PTCD3: variants seen among roughly 807,000 people sequenced by gnomAD.
PTCD3 encodes pentatricopeptide repeat domain 3, also known as small ribosomal subunit protein mS39.
PTCD3 carries 89 observed loss-of-function variants against 101.9 expected under a neutral mutation model. That is an observed-to-expected ratio of 0.87 (90% CI 0.74 to 1.04). PTCD3 has a LOEUF of 1.04. PTCD3 is among the 50% of genes least tolerant of loss of function. The pLI is 0.00. For missense variants in PTCD3, 870 were observed against 828.2 expected, an observed-to-expected ratio of 1.05 and a Z score of -0.62; for synonymous variants, 296 against 278.5, an observed-to-expected ratio of 1.06 and a Z score of -0.63.
chr2:86,111,254 A>G (rs1182924928), intron 4 of PTCD3, 96 bp downstream of exon 4: 1 of 1,094,346 alleles, frequency 9.1e-7, no homozygotes, highest in Non-Finnish European at 1.4e-6. Flanking sequence ...ATACCTCGTC[A>G]TTACTCAGAA....
At chr2:86,116,750 A>G (rs1339392562) in intron 5 of PTCD3, 152 bp downstream of exon 5, 1 of 680,432 alleles carries the variant, frequency 1.5e-6, no homozygotes, top group East Asian at 2.7e-5. Flanking sequence ...CTTCAAAAAG[A>G]TGTACATATC....
chr2:86,117,080 C>G lies in PTCD3; in HGVS notation c.335C>G (p.Ser112Cys). Residue 112 changes from serine to cysteine, a missense_variant, in exon 6 of 24, where the codon TCC becomes TGC. Coordinates refer to ENST00000254630, the MANE Select transcript of PTCD3 (RefSeq NM_017952.6). ...CGTTCATTTTTACTGGCAAAGAAATCCGGGGAGAATGTGGCCAAGTTTATT... is the reference window on the plus strand; with the variant it reads ...CGTTCATTTTTACTGGCAAAGAAATGCGGGGAGAATGTGGCCAAGTTTATT... ...ESRSFLLAKKSGENVAKFIIN... is the reference protein window; with the variant it reads ...ESRSFLLAKKCGENVAKFIIN... The G allele has an allele frequency of 2.1e-6, 3 of 1,435,478 alleles. No homozygotes were observed. Among genetic ancestry groups the G allele is most frequent in the Non-Finnish European group, 9.8e-7 (1 of 1,017,764 alleles). 88.9% of individuals were successfully genotyped at this position (1,435,478 alleles called of 1,614,324 possible). A position where few individuals can be genotyped will look rare whatever the true frequency, so the allele number is the denominator to read the frequency against.
intron 13 of PTCD3, 129 bp downstream of exon 13, chr2:86,127,434 T>G: frequency 8.8e-7 from 1 of 1,133,696 alleles, no homozygotes; most frequent in Non-Finnish European, 1.2e-6. Flanking sequence ...CTTTCCATGT[T>G]TGGCACATTT....
rs759978703 is a variant in PTCD3, at chr2:86,127,318, C to T, written c.1096+13C>T. 6.2e-6 allele frequency: 10 copies of T among 1,611,512 alleles called. No individual in the cohort carries two copies. The highest frequency in any genetic ancestry group is 2.7e-5 in the African/African-American group (2 of 74,850). On this transcript the variant is annotated intron_variant, in intron 13 of 23. Transcript: ENST00000254630. ...GCCATTGGAATAGGTGAGGATGCGC[C>T]CTTGAGTTCTCTGAGGACAGAGACT...
intron 7 of PTCD3, among the ~76,000 whole-genome samples, chr2:86,120,720 C>A (rs6720143): frequency 0.8 from 121,216 of 152,082 alleles, 49,582 homozygotes; most frequent in South Asian, 0.89. Context: ...CATAGCGAGA[C>A]CTCATCTCTA....
At chr2:86,108,756 AAG>A (rs1674016127) in intron 3 of PTCD3, 3 of 448,230 alleles carry the variant, frequency 6.7e-6, no homozygotes, top group African/African-American at 2.0e-5. Context: ...GAACAATTGA[AAG>A]AGATTTTGAA....
In PTCD3 at chr2:86,106,284, C is replaced by G; in HGVS notation, c.37C>G (p.Arg13Gly). The change falls in exon 1 of 24, where the codon CGC (arginine) becomes GGC (glycine). Residue 13 changes from arginine (R) to glycine (G), a missense_variant. Physicochemically the swap from Arg to Gly is moderately radical, Grantham distance 125 (BLOSUM62 -2). Coordinates refer to ENST00000254630, the MANE Select transcript of PTCD3 (RefSeq NM_017952.6). ...ATCTGCTGTTCGCTGGCTGGGCCTC[C>G]GCAGCAGGCTTGGCCAGCCGCTGAC... ...VVSAVRWLGL[R>G]SRLGQPLTGR... 6.2e-7 allele frequency: 1 copy of G among 1,613,700 alleles called. No homozygotes were observed. The highest frequency in any genetic ancestry group is 8.5e-7 in the Non-Finnish European group (1 of 1,179,968).
In PTCD3 at chr2:86,136,743, A is replaced by G. The variant is rs1347478813; in HGVS notation, c.1820+181A>G. ...TTTTTATCTGTGTTGACGGATCATC[A>G]TACATTGGGGCTACATTGAATAGAT... On this transcript the variant is annotated intron_variant, in intron 22 of 23. Transcript: ENST00000254630. 1.1e-5 allele frequency: 9 copies of G among 800,728 alleles called. No homozygotes were observed. In the East Asian group the frequency reaches 2.0e-4, roughly 17 times the overall value. The allele number at this position is 800,728 out of a possible 1,614,324, so 49.6% of individuals were successfully genotyped here.
At chr2:86,132,174 C>G in intron 16 of PTCD3, 144 bp from the exon 17 acceptor site, 1 of 543,436 alleles carries the variant, frequency 1.8e-6, no homozygotes, top group Non-Finnish European at 3.2e-6. Context: ...TTGTCTCCCC[C>G]CCATTTCTTA....
At chr2:86,127,496 T>G in intron 13 of PTCD3, 191 bp downstream of exon 13, 1 of 605,748 alleles carries the variant, frequency 1.7e-6, no homozygotes, top group South Asian at 2.4e-5. Flanking sequence ...TAGTGTTCAT[T>G]AGTATTTTAG....
intron 3 of PTCD3, among the ~76,000 whole-genome samples, chr2:86,109,441 A>G (rs563987753): frequency 3.3e-5 from 5 of 152,088 alleles, no homozygotes; most frequent in South Asian, 2.1e-4. Context: ...ATTTAAAAAG[A>G]CTTTTTTAAG....
intron 3 of PTCD3, 28 bp downstream of exon 3, chr2:86,108,564 C>A: frequency 1.3e-6 from 2 of 1,574,994 alleles, no homozygotes; most frequent in Non-Finnish European, 1.7e-6. Context: ...GTTCATTCAG[C>A]AAATGGTTGA....
intron 3 of PTCD3, chr2:86,108,812 A>G (rs1181842737): frequency 2.9e-6 from 1 of 344,712 alleles, no homozygotes; most frequent in Non-Finnish European, 5.2e-6. Flanking sequence ...ACATGGTTAT[A>G]CATGAACATC....
rs569925516 is a variant in PTCD3 at position 86,134,871 on chromosome 2, T to C, written c.1662T>C (p.Asp554=). The change falls in exon 21 of 24, where the codon GAT becomes GAC. Residue 554 remains aspartate, a synonymous_variant. Coordinates refer to ENST00000254630, the MANE Select transcript of PTCD3 (RefSeq NM_017952.6). ...TGGCATTTGCTGACTGTGCTGCTGATATCAAATCTGCGTATGAAAGCCAAC... is the reference window on the plus strand; with the variant it reads ...TGGCATTTGCTGACTGTGCTGCTGACATCAAATCTGCGTATGAAAGCCAAC... The part of the protein sequence containing the change: ...LQVAFADCAA[D]IKSAYESQPI... 1 of 1,614,204 alleles carries C rather than the reference T, an allele frequency of 6.2e-7. No homozygotes were observed. The highest frequency in any genetic ancestry group is 1.1e-5 in the South Asian group (1 of 91,086).
chr2:86,109,493 A>C (rs1480674956), intron 3 of PTCD3, among the ~76,000 whole-genome samples: 1 of 152,206 alleles, frequency 6.6e-6, no homozygotes, highest in Admixed American at 6.5e-5. Context: ...TAGGGAGGCC[A>C]GGGAGCCCAG....
At position 86,133,417 on chromosome 2, in the gene PTCD3, G is replaced by C. The variant is rs35016837; in HGVS notation, c.1524G>C (p.Val508=). The C allele has an allele frequency of 1.3e-3, 2,076 of 1,613,880 alleles. 22 individuals carry two copies. In the African/African-American group the frequency reaches 0.023, roughly 18 times the overall value. Reference sequence around the variant, plus strand: ...TGGATGTGGCCAATCGGCTAGAAGTGATTCCTAAAATTTGGAAAGGTCAGT... The same window carrying C: ...TGGATGTGGCCAATCGGCTAGAAGTCATTCCTAAAATTTGGAAAGGTCAGT... ...QALDVANRLE[V]IPKIWKDSKE... The change falls in exon 19 of 24, where the codon GTG becomes GTC. Residue 508 remains valine, a synonymous_variant. Transcript: ENST00000254630.
chr2:86,106,466 A>C, intron 1 of PTCD3, 115 bp downstream of exon 1: 1 of 1,062,922 alleles, frequency 9.4e-7, no homozygotes. Context: ...CGCGCCCTTA[A>C]CGGTCGCGTG....
chr2:86,109,454 C>A (rs1260299517), intron 3 of PTCD3, among the ~76,000 whole-genome samples: 2 of 151,012 alleles, frequency 1.3e-5, no homozygotes, highest in Non-Finnish European at 2.9e-5. Context: ...TTTTTAAGAA[C>A]TTTATTAATC....
chr2:86,137,610 C>T lies in PTCD3; in HGVS notation c.*51C>T, dbSNP rs370735534. 313 of 1,609,868 alleles carry T rather than the reference C, an allele frequency of 1.9e-4. 1 individual carries two copies. The highest frequency in any genetic ancestry group is 6.8e-5 in the Non-Finnish European group (80 of 1,178,288). Reference sequence around the variant, plus strand: ...GGTCTCACCATAGCTGCTGGAATCACACCTGAGAACTGAGATATACCAATA... The same window carrying T: ...GGTCTCACCATAGCTGCTGGAATCATACCTGAGAACTGAGATATACCAATA... On this transcript the variant is annotated 3_prime_UTR_variant, in exon 24 of 24. Coordinates refer to ENST00000254630, the MANE Select transcript of PTCD3 (RefSeq NM_017952.6).
Sources: allele counts gnomAD v4.1 joint callset (sites outside exome capture counted in the v4.1 genomes callset), GRCh38; gene constraint gnomAD v4.1.1; transcripts MANE v1.5; gene names NCBI Gene and HGNC (gene_info 2026-07-23, HGNC 2026-07-21).